Variants in CACNA2D4 observed in about 807,000 individuals in gnomAD.
CACNA2D4 encodes the protein voltage-dependent calcium channel subunit alpha-2/delta-4.
A neutral mutation model predicts 163.8 loss-of-function variants in CACNA2D4; 157 were observed. That is an observed-to-expected ratio of 0.96 (90% CI 0.84 to 1.09). CACNA2D4 has a LOEUF of 1.09. CACNA2D4 is among the 50% of genes least tolerant of loss of function. The probability of loss-of-function intolerance (pLI) is 0.00; values close to 1 mark genes in which losing one functional copy is unlikely to be tolerated. For synonymous variants in CACNA2D4, 598 were observed against 586.9 expected (o/e 1.02, Z -0.27); for missense variants, 1,410 against 1,479.9 (o/e 0.95, Z 0.78).
intron 2 of CACNA2D4, among the ~76,000 whole-genome samples, chr12:1,914,558 G>T (rs371403741): frequency 3.3e-5 from 5 of 152,232 alleles, no homozygotes; most frequent in African/African-American, 1.2e-4. Context: ...CACTCCCTCC[G>T]TCTCTCCTTT....
chr12:1,818,220 C>A (rs1428541678), intron 26 of CACNA2D4, among the ~76,000 whole-genome samples: 1 of 151,818 alleles, frequency 6.6e-6, no homozygotes, highest in Non-Finnish European at 1.5e-5. Context: ...GCCGCCCCTA[C>A]TGGGAAGTGA....
Position 1,879,870 on chromosome 12 carries a change from CG to C in CACNA2D4, c.1496del (p.Ser499CysfsTer6), listed in dbSNP as rs780590488. 6 of 1,597,618 alleles carry C rather than the reference CG, an allele frequency of 3.8e-6. No homozygotes were observed. Among genetic ancestry groups the C allele is most frequent in the Non-Finnish European group, 5.1e-6 (6 of 1,172,228 alleles). On this transcript the variant is annotated frameshift_variant, in exon 14 of 38. Transcript: ENST00000382722. LOFTEE classifies it high-confidence loss of function. ...EAYMDSKLLSSQAQSLTLLTT... is the reference protein window; with the variant it reads ...EAYMDSKLLSXQAQSLTLLTT... Reference sequence around the variant, plus strand: ...TGAGCAGTGTCAGGCTCTGAGCCTGCGAGCTGAGGAGCTGTAAGGGAGGGGA... The same window carrying C: ...TGAGCAGTGTCAGGCTCTGAGCCTGCAGCTGAGGAGCTGTAAGGGAGGGGA...
intron 18 of CACNA2D4, among the ~76,000 whole-genome samples, chr12:1,860,414 C>T (rs1865498846): frequency 2.0e-5 from 3 of 152,356 alleles, no homozygotes; most frequent in South Asian, 4.1e-4. Flanking sequence ...CCCTTTGGGG[C>T]GTGGCCTGGA....
chr12:1,856,295 T>C (rs928454096), intron 20 of CACNA2D4, 66 bp from the exon 21 acceptor site: 15 of 1,544,092 alleles, frequency 9.7e-6, no homozygotes, highest in African/African-American at 1.4e-5. Context: ...GTCTCAATTG[T>C]AGAAACAGCC....
Position 1,802,361 on chromosome 12 carries a change from G to C in CACNA2D4, c.2722-717C>G, listed in dbSNP as rs1863368828. 6.6e-6 allele frequency among the ~76,000 whole-genome samples: 1 copy of C among 152,096 alleles called. No homozygotes were observed. Among genetic ancestry groups the C allele is most frequent in the Non-Finnish European group, 1.5e-5 (1 of 68,012 alleles). ...AATGCAACATGGATGGGTCACTCTT[G>C]CCTTCATTTCCAAAAAATAAAACAG... On this transcript the variant is annotated intron_variant, in intron 29 of 37. Transcript: ENST00000382722. This position sits in a 1 kb window ranked among gnomAD's most constrained non-coding sequence, Gnocchi z 4.7.
In CACNA2D4 at chr12:1,907,964, A is replaced by C. The variant is rs1461460334; in HGVS notation, c.560T>G (p.Phe187Cys). 1 of 1,614,038 alleles carries C rather than the reference A, an allele frequency of 6.2e-7. No homozygotes were observed. The highest frequency in any genetic ancestry group is 1.1e-5 in the South Asian group (1 of 91,082). Residue 187 changes from phenylalanine (F) to cysteine (C), a missense_variant, in exon 5 of 38, where the codon TTC becomes TGC. By Grantham distance (205) the Phe-to-Cys change is radical (BLOSUM62 -2). Coordinates refer to ENST00000382722, the MANE Select transcript of CACNA2D4 (RefSeq NM_172364.5). ...GAAGTGAGCATTGGACTCCAGGAGG[A>C]ACTCGGCGCCCAGCTCCACGAAGTT... is the stretch of plus-strand genomic sequence containing the variant. ...KGNFVELGAE[F>C]LLESNAHFSN...
At chr12:1,908,467 G>A (rs2470435) in intron 4 of CACNA2D4, among the ~76,000 whole-genome samples, 3 of 152,204 alleles carry the variant, frequency 2.0e-5, no homozygotes, top group Non-Finnish European at 2.9e-5. Flanking sequence ...CTTGGCCTCA[G>A]ACGGGGCCCA....
In CACNA2D4 at chr12:1,909,886, G is replaced by C. The variant is rs371455210; in HGVS notation, c.486+20C>G. On this transcript the variant is annotated intron_variant, in intron 4 of 37. Coordinates refer to ENST00000382722, the MANE Select transcript of CACNA2D4 (RefSeq NM_172364.5). ...AGGCGATCCTGGCCCTCTGGCACCA[G>C]TGCCAGGAGTGGGACTCACCACCAG... is the stretch of plus-strand genomic sequence containing the variant. The C allele has an allele frequency of 7.3e-4, 1,177 of 1,612,216 alleles. No individual in the cohort carries two copies. The highest frequency in any genetic ancestry group is 9.8e-4 in the Non-Finnish European group (1,152 of 1,178,580).
chr12:1,850,812 G>A (rs1158818480), intron 23 of CACNA2D4, among the ~76,000 whole-genome samples: 1 of 151,428 alleles, frequency 6.6e-6, no homozygotes, highest in Non-Finnish European at 1.5e-5. Flanking sequence ...TACTCAGGAG[G>A]CTGAGGCAGG....
chr12:1,890,815 T>C (rs1268488544), intron 6 of CACNA2D4, among the ~76,000 whole-genome samples: 1 of 152,128 alleles, frequency 6.6e-6, no homozygotes, highest in African/African-American at 2.4e-5. Flanking sequence ...CCCAGCCCAC[T>C]CTACCATCGT....
In CACNA2D4 at chr12:1,856,172, C is replaced by T. The variant is rs1592713963; in HGVS notation, c.2054+12G>A. ...CCACCTGTCTCCCTCCCATTTTTTA[C>T]TCCTCACTTACCAGTCACCGGCCAG... On this transcript the variant is annotated intron_variant, in intron 21 of 37. Coordinates refer to ENST00000382722, the MANE Select transcript of CACNA2D4 (RefSeq NM_172364.5). The T allele has an allele frequency of 6.2e-7, 1 of 1,613,998 alleles. No individual in the cohort carries two copies.
intron 9 of CACNA2D4, among the ~76,000 whole-genome samples, chr12:1,885,580 A>G (rs1296678535): frequency 1.3e-5 from 2 of 152,228 alleles, no homozygotes; most frequent in Non-Finnish European, 2.9e-5. Context: ...GTCTTTTACC[A>G]GAGGAAAGGA....
At chr12:1,884,482 G>A (rs968775285) in intron 11 of CACNA2D4, among the ~76,000 whole-genome samples, 161 bp from the exon 12 acceptor site, 4 of 152,124 alleles carry the variant, frequency 2.6e-5, no homozygotes, top group South Asian at 4.2e-4. Flanking sequence ...ATTCGCCCAG[G>A]GCCATGGGGA....
intron 22 of CACNA2D4, 38 bp from the exon 23 acceptor site, chr12:1,854,082 C>T: frequency 6.8e-7 from 1 of 1,477,138 alleles, no homozygotes. Flanking sequence ...CCACATGCTT[C>T]CTCCATGCTC....
At chr12:1,882,539 T>A (rs906772901) in intron 13 of CACNA2D4, among the ~76,000 whole-genome samples, 1 of 4,268 alleles carries the variant, frequency 2.3e-4, no homozygotes, top group Non-Finnish European at 4.1e-4. Context: ...CCCGGGTGGG[T>A]GGGAGGGAGG....
At chr12:1,824,532 C>T (rs1864238960) in intron 26 of CACNA2D4, among the ~76,000 whole-genome samples, 1 of 152,188 alleles carries the variant, frequency 6.6e-6, no homozygotes, top group African/African-American at 2.4e-5. Flanking sequence ...CTTTGGCCTC[C>T]CTGTCTCTAG....
At position 1,898,280 on chromosome 12, in the gene CACNA2D4, T is replaced by G. The variant is rs191905851; in HGVS notation, c.781+9160A>C. ...GTATCAAAGGCTACAGTCAACAGAG[T>G]GAAAAGGCAACCCATAGAATGGGAG... On this transcript the variant is annotated intron_variant, in intron 6 of 37. Coordinates refer to ENST00000382722, the MANE Select transcript of CACNA2D4 (RefSeq NM_172364.5). Among the ~76,000 whole-genome samples, 15 of 151,162 alleles carry G rather than the reference T, an allele frequency of 9.9e-5. 2 individuals carry two copies. The highest frequency in any genetic ancestry group is 9.2e-4 in the Admixed American group (14 of 15,194).
At chr12:1,818,101 G>C (rs1293824989) in intron 26 of CACNA2D4, among the ~76,000 whole-genome samples, 1 of 145,018 alleles carries the variant, frequency 6.9e-6, no homozygotes, top group South Asian at 2.1e-4. Context: ...CCACCGCCCC[G>C]TCTGGGATGT....
chr12:1,884,371 G>A (rs2154449716), intron 11 of CACNA2D4, 50 bp from the exon 12 acceptor site: 1 of 1,450,270 alleles, frequency 6.9e-7, no homozygotes, highest in Non-Finnish European at 9.6e-7. Context: ...CCGGCCATAA[G>A]TAATGTTAAC....
Sources: allele counts gnomAD v4.1 joint callset (sites outside exome capture counted in the v4.1 genomes callset), GRCh38; gene constraint gnomAD v4.1.1; non-coding constraint Gnocchi (gnomAD v3.1); transcripts MANE v1.5; gene names NCBI Gene and HGNC (gene_info 2026-07-23, HGNC 2026-07-21).